Variants in UBL3 observed in about 807,000 individuals in gnomAD.
UBL3 encodes ubiquitin like 3.
A neutral mutation model predicts 18.4 loss-of-function variants in UBL3; 6 were observed. That is an observed-to-expected ratio of 0.33 (90% CI 0.18 to 0.64). The LOEUF (loss-of-function observed/expected upper bound fraction) is 0.64. Ranked by LOEUF, UBL3 falls within the 30% of genes least tolerant of loss-of-function variation. UBL3 has a pLI of 0.76. For synonymous variants in UBL3, 49 were observed against 46.6 expected (o/e 1.05, Z -0.21); for missense variants, 109 against 142.9 (o/e 0.76, Z 1.21).
At chr13:29,816,128 T>A (rs1878272291) in intron 1 of UBL3, among the ~76,000 whole-genome samples, 1 of 152,154 alleles carries the variant, frequency 6.6e-6, no homozygotes, top group South Asian at 2.1e-4. Flanking sequence ...ATAATCTATT[T>A]TTAAATAAGA....
intron 3 of UBL3, among the ~76,000 whole-genome samples, chr13:29,770,822 A>AT (rs979596631): frequency 3.0e-4 from 27 of 91,040 alleles, no homozygotes; most frequent in Admixed American, 2.8e-3. Flanking sequence ...TACAAAAGCT[A>AT]TAAAAAAAAA....
chr13:29,849,745 C>T lies in UBL3; in HGVS notation c.-207G>A. On this transcript the variant is annotated 5_prime_UTR_variant, in exon 1 of 5. Transcript: ENST00000380680. ...GAACAATCCCCAGGAGCTGTGTGGCCGGAGCAGGAGGAAACTCCCGGGACA... is the reference window on the plus strand; with the variant it reads ...GAACAATCCCCAGGAGCTGTGTGGCTGGAGCAGGAGGAAACTCCCGGGACA... The T allele has an allele frequency of 3.1e-6, 2 of 653,896 alleles. No homozygotes were observed. The highest frequency in any genetic ancestry group is 3.8e-5 in the South Asian group (2 of 52,536). 40.5% of individuals were successfully genotyped at this position (653,896 alleles called of 1,614,324 possible).
chr13:29,819,465 AAG>A (rs1878369951), intron 1 of UBL3, among the ~76,000 whole-genome samples: 1 of 152,218 alleles, frequency 6.6e-6, no homozygotes, highest in Admixed American at 6.5e-5. Context: ...TCCATAAACT[AAG>A]GAGATTGTTA....
At chr13:29,768,177 C>T (rs1261125938) in intron 3 of UBL3, among the ~76,000 whole-genome samples, 2 of 151,986 alleles carry the variant, frequency 1.3e-5, no homozygotes, top group African/African-American at 2.4e-5. Context: ...ACCCTGTATT[C>T]GTCCATTAGA....
chr13:29,774,319 CAG>C (rs1160300207), intron 2 of UBL3, among the ~76,000 whole-genome samples: 2 of 151,896 alleles, frequency 1.3e-5, no homozygotes, highest in African/African-American at 4.8e-5. Context: ...AAATAAATTT[CAG>C]AGTGATTACC....
In UBL3 at chr13:29,825,293, A is replaced by T. The variant is rs1225865737; in HGVS notation, c.27+24219T>A. Among the ~76,000 whole-genome samples the T allele has an allele frequency of 5.3e-5, 8 of 152,340 alleles. No homozygotes were observed. The East Asian group carries it at 1.5e-3, about 29-fold the overall frequency. On this transcript the variant is annotated intron_variant, in intron 1 of 4. Coordinates refer to ENST00000380680, the MANE Select transcript of UBL3 (RefSeq NM_007106.4). ...ATTGAATCTATAAATTACCTTGGGCAGTATGGCCATTTTCACGATATTGAT... is the reference window on the plus strand; with the variant it reads ...ATTGAATCTATAAATTACCTTGGGCTGTATGGCCATTTTCACGATATTGAT...
At chr13:29,791,646 C>G (rs9551742) in intron 1 of UBL3, among the ~76,000 whole-genome samples, 9,256 of 152,212 alleles carry the variant, frequency 0.061, 375 homozygotes, top group East Asian at 0.17. Flanking sequence ...CTCAAACCTA[C>G]ACTACTCCTT....
At chr13:29,770,145 T>G (rs9314977) in intron 3 of UBL3, among the ~76,000 whole-genome samples, 136,284 of 152,014 alleles carry the variant, frequency 0.9, 61,285 homozygotes, top group East Asian at 0.97. Flanking sequence ...CACAGGCCAC[T>G]CAAATATTTA....
intron 1 of UBL3, among the ~76,000 whole-genome samples, chr13:29,836,654 A>G (rs562726301): frequency 6.6e-6 from 1 of 152,040 alleles, no homozygotes; most frequent in Admixed American, 6.5e-5. Flanking sequence ...AGCAGAAAGC[A>G]GCATCCCAGA....
At chr13:29,813,384 A>T (rs936052500) in intron 1 of UBL3, among the ~76,000 whole-genome samples, 8 of 152,044 alleles carry the variant, frequency 5.3e-5, no homozygotes, top group African/African-American at 1.9e-4. Context: ...CAATGAAAAA[A>T]GTAATTATCT....
At position 29,767,356 on chromosome 13, in the gene UBL3, G is replaced by A. The variant is rs376854618; in HGVS notation, c.302-49C>T. On this transcript the variant is annotated intron_variant, in intron 4 of 4. Coordinates refer to ENST00000380680, the MANE Select transcript of UBL3 (RefSeq NM_007106.4). Reference sequence around the variant, plus strand: ...CGTTTATAAAAATTCTAGAACTGGAGGGGAAAATGGGCTAGGCAATCAAGT... The same window carrying A: ...CGTTTATAAAAATTCTAGAACTGGAAGGGAAAATGGGCTAGGCAATCAAGT... The A allele has an allele frequency of 7.5e-6, 12 of 1,604,024 alleles. No homozygotes were observed. The East Asian group carries it at 2.2e-4, about 30-fold the overall frequency.
At chr13:29,844,498 T>C (rs1195403913) in intron 1 of UBL3, among the ~76,000 whole-genome samples, 2 of 152,206 alleles carry the variant, frequency 1.3e-5, no homozygotes, top group African/African-American at 2.4e-5. Flanking sequence ...ATTCAAATCA[T>C]AGCTCTAAGT....
At chr13:29,824,009 C>G (rs1479711120) in intron 1 of UBL3, among the ~76,000 whole-genome samples, 1 of 152,158 alleles carries the variant, frequency 6.6e-6, no homozygotes. Flanking sequence ...TTTCCAGCTT[C>G]ATCCATGTCC....
chr13:29,828,703 G>A (rs575936453), intron 1 of UBL3, among the ~76,000 whole-genome samples: 5 of 152,334 alleles, frequency 3.3e-5, no homozygotes, highest in East Asian at 3.9e-4. Context: ...GTCCAGCTTT[G>A]TTCCCTTGCT....
chr13:29,771,258 A>C (rs1032461144), intron 3 of UBL3, among the ~76,000 whole-genome samples: 1 of 152,050 alleles, frequency 6.6e-6, no homozygotes, highest in Non-Finnish European at 1.5e-5. Flanking sequence ...ATTTAGATAG[A>C]CCATTTCATT....
chr13:29,783,506 G>A (rs371512091), intron 1 of UBL3, among the ~76,000 whole-genome samples: 14 of 152,152 alleles, frequency 9.2e-5, no homozygotes, highest in African/African-American at 2.9e-4. Flanking sequence ...ATTTCCTTTA[G>A]AAGAAATCTT....
intron 1 of UBL3, among the ~76,000 whole-genome samples, chr13:29,784,474 T>C (rs539568895): frequency 1.3e-5 from 2 of 152,298 alleles, no homozygotes; most frequent in African/African-American, 4.8e-5. Flanking sequence ...ACCCTTTGCC[T>C]TTCTACTGCT....
At chr13:29,831,810 A>AAAAC (rs1189666446) in intron 1 of UBL3, among the ~76,000 whole-genome samples, 2 of 152,182 alleles carry the variant, frequency 1.3e-5, no homozygotes, top group Non-Finnish European at 2.9e-5. Context: ...ATACAAGTCA[A>AAAAC]AAACAAACAA....
chr13:29,781,690 A>G (rs1877178535), intron 1 of UBL3, among the ~76,000 whole-genome samples: 1 of 151,962 alleles, frequency 6.6e-6, no homozygotes, highest in African/African-American at 2.4e-5. Context: ...AACTGCTCTA[A>G]AAAATGAAGT....
Sources: allele counts gnomAD v4.1 joint callset (sites outside exome capture counted in the v4.1 genomes callset), GRCh38; gene constraint gnomAD v4.1.1; transcripts MANE v1.5; gene names NCBI Gene and HGNC (gene_info 2026-07-23, HGNC 2026-07-21).